Variants in PCDH15 observed in about 807,000 individuals in gnomAD.
PCDH15 encodes protocadherin-15.
In PCDH15, 129 loss-of-function variants were observed where a neutral mutation model predicts 178.5. That is an observed-to-expected ratio of 0.72 (90% confidence interval 0.63 to 0.84). The LOEUF (loss-of-function observed/expected upper bound fraction) is 0.84, where lower values mean the gene tolerates loss of function less well. Ranked by LOEUF, PCDH15 falls within the 40% of genes least tolerant of loss-of-function variation. The pLI is 0.00. For synonymous variants in PCDH15, 800 were observed against 732.0 expected, an observed-to-expected ratio of 1.09 and a Z score of -1.50; for missense variants, 2,230 against 2,099.9, an observed-to-expected ratio of 1.06 and a Z score of -1.21.
chr10:54,333,981 AGCCAGGACATT>A (rs1940460444), intron 6 of PCDH15, among the ~76,000 whole-genome samples: 1 of 152,234 alleles, frequency 6.6e-6, no homozygotes, highest in South Asian at 2.1e-4. Flanking sequence ...ACATTTCTAA[AGCCAGGACATT>A]GCCCCCTTTC....
intron 1 of PCDH15, among the ~76,000 whole-genome samples, chr10:54,752,454 G>A (rs1946383244): frequency 7.2e-6 from 1 of 139,578 alleles, no homozygotes; most frequent in Non-Finnish European, 1.5e-5. Flanking sequence ...TCCAGCCTGG[G>A]TGACAGAACG....
At chr10:53,984,695 G>A (rs1381548924) in intron 21 of PCDH15, among the ~76,000 whole-genome samples, 1 of 151,912 alleles carries the variant, frequency 6.6e-6, no homozygotes, top group Non-Finnish European at 1.5e-5. Flanking sequence ...GATCTTCAAG[G>A]CATATTTGTT....
intron 2 of PCDH15, among the ~76,000 whole-genome samples, chr10:54,628,924 C>T (rs190161545): frequency 2.8e-4 from 42 of 152,134 alleles, no homozygotes; most frequent in Middle Eastern, 3.4e-3. Context: ...AAAATTTACA[C>T]TAATTAGTGA....
chr10:54,241,749 G>A (rs961541238), intron 8 of PCDH15, among the ~76,000 whole-genome samples: 3 of 151,976 alleles, frequency 2.0e-5, no homozygotes, highest in Non-Finnish European at 2.9e-5. Context: ...TAGTCATGGG[G>A]ACACATAAGT....
At chr10:54,225,742 G>T (rs1485805384) in intron 9 of PCDH15, among the ~76,000 whole-genome samples, 1 of 150,728 alleles carries the variant, frequency 6.6e-6, no homozygotes, top group African/African-American at 2.5e-5. Flanking sequence ...GAAATGCACA[G>T]ATCTTAAGCT....
At chr10:54,950,856 C>G (rs1838321528) in intron 2 of PCDH15, among the ~76,000 whole-genome samples, 1 of 151,730 alleles carries the variant, frequency 6.6e-6, no homozygotes, top group South Asian at 2.1e-4. Context: ...TATTTGTATT[C>G]TATTTGGAAA....
chr10:54,719,438 A>T (rs2095518792), intron 1 of PCDH15, among the ~76,000 whole-genome samples: 1 of 152,160 alleles, frequency 6.6e-6, no homozygotes, highest in African/African-American at 2.4e-5. Flanking sequence ...TGTAAGGAAA[A>T]TGAAGAAATA....
intron 1 of PCDH15, among the ~76,000 whole-genome samples, chr10:54,767,215 A>G (rs1255276967): frequency 6.6e-6 from 1 of 151,972 alleles, no homozygotes; most frequent in Non-Finnish European, 1.5e-5. Flanking sequence ...AACAGAGAGT[A>G]TTGAAAAGCT....
At chr10:54,852,230 G>A (rs1364728279) in intron 3 of PCDH15, among the ~76,000 whole-genome samples, 2 of 144,890 alleles carry the variant, frequency 1.4e-5, no homozygotes, top group East Asian at 4.3e-4. Flanking sequence ...TGTATATTGA[G>A]TAAATTGTTT....
At chr10:54,058,853 C>T (rs192980504) in intron 18 of PCDH15, among the ~76,000 whole-genome samples, 2 of 152,148 alleles carry the variant, frequency 1.3e-5, no homozygotes, top group African/African-American at 4.8e-5. Flanking sequence ...TGCCACCATG[C>T]CCAGCTAATT....
At chr10:55,147,818 TTC>T (rs1206891615) in intron 2 of PCDH15, among the ~76,000 whole-genome samples, 1 of 60,468 alleles carries the variant, frequency 1.7e-5, no homozygotes, top group African/African-American at 5.0e-5. Flanking sequence ...TTCCTCCTCC[TTC>T]TCCTCTTCCT....
chr10:54,047,751 AT>A (rs1159066858), intron 18 of PCDH15, among the ~76,000 whole-genome samples: 1 of 152,062 alleles, frequency 6.6e-6, no homozygotes, highest in Non-Finnish European at 1.5e-5. Context: ...ACATGATTTC[AT>A]TTTTTATGAC....
At chr10:53,985,640 C>T (rs771927666) in intron 21 of PCDH15, among the ~76,000 whole-genome samples, 10 of 152,054 alleles carry the variant, frequency 6.6e-5, no homozygotes, top group Non-Finnish European at 1.0e-4. Context: ...AAACACACCC[C>T]GAGAAAAGAT....
At chr10:54,199,303 T>A (rs2049996596) in intron 10 of PCDH15, among the ~76,000 whole-genome samples, 1 of 152,120 alleles carries the variant, frequency 6.6e-6, no homozygotes, top group Non-Finnish European at 1.5e-5. Context: ...ATGTGTATTT[T>A]TGAACTGATG....
intron 3 of PCDH15, among the ~76,000 whole-genome samples, chr10:54,820,484 G>A (rs767007461): frequency 2.2e-4 from 33 of 151,906 alleles, no homozygotes; most frequent in Non-Finnish European, 4.1e-4. Context: ...GATCAAAGTT[G>A]GCCCTGCCTG....
chr10:55,109,371 T>G (rs934304373), intron 2 of PCDH15, among the ~76,000 whole-genome samples: 21 of 152,172 alleles, frequency 1.4e-4, no homozygotes, highest in African/African-American at 4.6e-4. Context: ...ATAAAACTTA[T>G]TACCCTAAAT....
chr10:54,596,428 C>T (rs961522280), intron 2 of PCDH15, among the ~76,000 whole-genome samples: 16 of 152,016 alleles, frequency 1.1e-4, no homozygotes, highest in African/African-American at 2.7e-4. Flanking sequence ...ATTTTATTAC[C>T]ACCAGACCTG....
chr10:54,898,099 T>C (rs951646996), intron 2 of PCDH15, among the ~76,000 whole-genome samples: 1 of 152,122 alleles, frequency 6.6e-6, no homozygotes, highest in Admixed American at 6.5e-5. Flanking sequence ...GTTCTCACGA[T>C]GTCTGGTTGT....
At chr10:54,439,453 A>G (rs1304540181) in intron 3 of PCDH15, among the ~76,000 whole-genome samples, 1 of 152,028 alleles carries the variant, frequency 6.6e-6, no homozygotes, top group Non-Finnish European at 1.5e-5. Flanking sequence ...TTACGGAAAG[A>G]GTTTTCTTAT....
Sources: allele counts gnomAD v4.1 joint callset (sites outside exome capture counted in the v4.1 genomes callset), GRCh38; gene constraint gnomAD v4.1.1; transcripts MANE v1.5; gene names NCBI Gene and HGNC (gene_info 2026-07-23, HGNC 2026-07-21).